Variants in AKAP9 observed in about 807,000 individuals in gnomAD.
The protein encoded by AKAP9 is A-kinase anchor protein 9.
In AKAP9, 311 loss-of-function variants were observed where a neutral mutation model predicts 488.5. The ratio of observed to expected loss-of-function variants is 0.64; its 90% CI spans 0.58 to 0.70. The LOEUF (loss-of-function observed/expected upper bound fraction) is 0.70, where lower values mean the gene tolerates loss of function less well. Among genes scored for constraint, AKAP9 ranks in the 30% least tolerant of loss-of-function variants. The probability of loss-of-function intolerance (pLI) is 0.00; values close to 1 mark genes in which losing one functional copy is unlikely to be tolerated. For synonymous variants in AKAP9, 1,462 were observed against 1,483.5 expected (o/e 0.99, Z 0.33); for missense variants, 4,215 against 4,374.5 (o/e 0.96, Z 1.03).
intron 22 of AKAP9, among the ~76,000 whole-genome samples, chr7:92,058,762 C>T (rs1413967216): frequency 6.6e-6 from 1 of 151,884 alleles, no homozygotes; most frequent in African/African-American, 2.4e-5. Flanking sequence ...TATAAGACAG[C>T]TAAGTGAATT....
intron 16 of AKAP9, 89 bp downstream of exon 16, chr7:92,031,693 CTTTAT>C: frequency 4.8e-6 from 5 of 1,035,692 alleles, no homozygotes; most frequent in Non-Finnish European, 7.5e-6. Context: ...ATGGTATGTA[CTTTAT>C]AAGTTTCATA....
chr7:91,994,011 C>G (rs1798083013), intron 5 of AKAP9, among the ~76,000 whole-genome samples: 2 of 152,092 alleles, frequency 1.3e-5, no homozygotes, highest in African/African-American at 2.4e-5. Context: ...TGCCTGTAGT[C>G]CTAGTTACTT....
At chr7:92,077,433 A>G (rs1235892962) in intron 29 of AKAP9, among the ~76,000 whole-genome samples, 1 of 151,996 alleles carries the variant, frequency 6.6e-6, no homozygotes, top group African/African-American at 2.4e-5. Flanking sequence ...CAGCTGTTAA[A>G]TAATACTCAA....
intron 22 of AKAP9, chr7:92,058,533 A>T: frequency 3.5e-6 from 1 of 287,170 alleles, no homozygotes; most frequent in Non-Finnish European, 6.9e-6. Flanking sequence ...CATTCATTCT[A>T]GATGTATTTA....
At chr7:92,086,100 AT>A in intron 36 of AKAP9, 127 bp from the exon 37 acceptor site, 1 of 828,826 alleles carries the variant, frequency 1.2e-6, no homozygotes, top group East Asian at 2.7e-5. Context: ...AAAGAAAAAA[AT>A]AAATAAATAA....
Position 91,956,648 on chromosome 7 carries a change from A to AT in AKAP9, c.48+15510dup, listed in dbSNP as rs888263790. On this transcript the variant is annotated intron_variant, in intron 1 of 49. Transcript: ENST00000356239. Reference sequence around the variant, plus strand: ...TACTTTCTGTGTATATAGACAGCATATTTTTTTTTGTAGAACATTAACCCA... The same window carrying AT: ...TACTTTCTGTGTATATAGACAGCATATTTTTTTTTTGTAGAACATTAACCCA... 3.1e-3 allele frequency among the ~76,000 whole-genome samples: 461 copies of AT among 151,128 alleles called. 3 individuals are homozygous for AT. Among genetic ancestry groups the AT allele is most frequent in the African/African-American group, 9.0e-3 (373 of 41,272 alleles).
At chr7:92,019,498 A>G (rs369499643) in intron 12 of AKAP9, among the ~76,000 whole-genome samples, 2 of 151,902 alleles carry the variant, frequency 1.3e-5, no homozygotes, top group Non-Finnish European at 1.5e-5. Context: ...TGGTCAGCCA[A>G]TATTTATTAT....
intron 2 of AKAP9, among the ~76,000 whole-genome samples, chr7:91,979,435 G>C (rs1796115492): frequency 1.3e-5 from 2 of 152,150 alleles, no homozygotes; most frequent in Middle Eastern, 3.4e-3. Context: ...TCTCCCACCA[G>C]GTCTCTCCCA....
At chr7:92,041,928 G>C (rs1806176248) in intron 18 of AKAP9, 118 bp from the exon 19 acceptor site, 1 of 1,055,324 alleles carries the variant, frequency 9.5e-7, no homozygotes, top group African/African-American at 1.6e-5. Context: ...GATGGAATAT[G>C]AATCATAAGT....
chr7:91,980,234 A>G, intron 2 of AKAP9, 55 bp from the exon 3 acceptor site: 5 of 1,092,060 alleles, frequency 4.6e-6, no homozygotes, highest in South Asian at 4.0e-5. Context: ...TTAGTAAAGT[A>G]TGATATTTAG....
intron 21 of AKAP9, among the ~76,000 whole-genome samples, chr7:92,049,986 C>T (rs1056737338): frequency 1.3e-5 from 2 of 151,846 alleles, no homozygotes; most frequent in African/African-American, 4.8e-5. Flanking sequence ...ATTAGACTGT[C>T]TTCATACTGC....
Position 92,017,088 on chromosome 7 carries a change from A to G in AKAP9, c.3823A>G (p.Thr1275Ala). 3 of 1,578,036 alleles carry G rather than the reference A, an allele frequency of 1.9e-6. No individual in the cohort carries two copies. The highest frequency in any genetic ancestry group is 2.6e-6 in the Non-Finnish European group (3 of 1,152,648). Reference protein sequence around the residue: ...EEYNKLLVLQTRLSKIWGQQT... With the variant: ...EEYNKLLVLQARLSKIWGQQT... ...ATACAACAAACTCTTGGTACTTCAA[A>G]CACGACTAAGCAAGGTCTGTGAGAT... Residue 1275 changes from threonine (T) to alanine (A), a missense_variant, in exon 12 of 50, where the codon ACA (threonine) becomes GCA (alanine). Coordinates refer to ENST00000356239, the MANE Select transcript of AKAP9 (RefSeq NM_005751.5).
chr7:92,026,156 A>G (rs904091092), intron 14 of AKAP9, among the ~76,000 whole-genome samples: 4 of 152,242 alleles, frequency 2.6e-5, no homozygotes, highest in Admixed American at 2.6e-4. Context: ...AAATGAAGGT[A>G]CATCATATAA....
At chr7:91,980,991 G>GA (rs1340486669) in intron 3 of AKAP9, among the ~76,000 whole-genome samples, 2 of 150,368 alleles carry the variant, frequency 1.3e-5, no homozygotes, top group African/African-American at 2.4e-5. Flanking sequence ...TTTCTAATAG[G>GA]AAAAAAAAAC....
intron 15 of AKAP9, among the ~76,000 whole-genome samples, chr7:92,030,611 C>T (rs929233014): frequency 1.4e-5 from 2 of 140,618 alleles, no homozygotes; most frequent in African/African-American, 5.5e-5. Context: ...CACTGCACTC[C>T]AGCCTGGGCG....
chr7:92,031,394 A>C, intron 15 of AKAP9, 118 bp from the exon 16 acceptor site: 1 of 679,014 alleles, frequency 1.5e-6, no homozygotes, highest in Non-Finnish European at 2.6e-6. Flanking sequence ...TTTTTGCTGA[A>C]AGTATGTAGA....
chr7:92,014,375 C>A, intron 10 of AKAP9, 47 bp downstream of exon 10: 1 of 1,354,034 alleles, frequency 7.4e-7, no homozygotes, highest in Non-Finnish European at 1.0e-6. Context: ...GTGGCTGACA[C>A]TTATAATCCC....
intron 1 of AKAP9, among the ~76,000 whole-genome samples, chr7:91,954,439 C>T (rs1022385441): frequency 2.0e-5 from 3 of 152,074 alleles, no homozygotes; most frequent in African/African-American, 7.2e-5. Flanking sequence ...TACACACCAC[C>T]ATGCCCAATT....
intron 3 of AKAP9, among the ~76,000 whole-genome samples, chr7:91,988,148 T>C (rs1262869411): frequency 6.6e-6 from 1 of 152,034 alleles, no homozygotes; most frequent in African/African-American, 2.4e-5. Flanking sequence ...AGCTCATCAA[T>C]TTAGTTTTTT....
Sources: gnomAD v4.1 joint callset for allele counts (sites outside exome capture counted in the v4.1 genomes callset) on GRCh38, gnomAD v4.1.1 for gene constraint, MANE v1.5 for transcripts, NCBI Gene and HGNC (gene_info 2026-07-23, HGNC 2026-07-21) for gene names.